FHIT: variants seen among roughly 807,000 people sequenced by gnomAD.
FHIT encodes fragile histidine triad diadenosine triphosphatase.
FHIT carries 19 observed loss-of-function variants against 17.9 expected under a neutral mutation model. The observed-to-expected ratio is 1.06, with a 90% confidence interval of 0.74 to 1.56. FHIT has a LOEUF of 1.56. Ranked by LOEUF, FHIT falls within the 40% of genes most tolerant of loss-of-function variation. FHIT has a pLI of 0.00. For missense variants in FHIT, 248 were observed against 189.2 expected (o/e 1.31, Z -1.82); for synonymous variants, 81 against 69.7 (o/e 1.16, Z -0.81).
Position 60,191,311 on chromosome 3 carries a change from A to C in FHIT, c.104-177159T>G, listed in dbSNP as rs552631676. Among the ~76,000 whole-genome samples, 18 of 152,324 alleles carry C rather than the reference A, an allele frequency of 1.2e-4. No homozygotes were observed. The South Asian group carries it at 3.5e-3, about 30-fold the overall frequency. ...AGCTATAGAAAAAGGGATACATTTG[A>C]AATAAAAATAGCAGTATTTTCTGCT... On this transcript the variant is annotated intron_variant, in intron 5 of 9. Transcript: ENST00000492590.
intron 5 of FHIT, among the ~76,000 whole-genome samples, chr3:60,305,926 G>A (rs1298547738): frequency 1.3e-5 from 2 of 152,074 alleles, no homozygotes; most frequent in African/African-American, 4.8e-5. Context: ...TAAATTTAAT[G>A]AGACTGCATC....
At chr3:59,780,125 G>C (rs1378554798) in intron 8 of FHIT, among the ~76,000 whole-genome samples, 1 of 152,138 alleles carries the variant, frequency 6.6e-6, no homozygotes, top group African/African-American at 2.4e-5. Flanking sequence ...ATTTTCTCAG[G>C]ATCCCTGACA....
chr3:60,468,108 C>G (rs1457949022), intron 5 of FHIT, among the ~76,000 whole-genome samples: 1 of 152,048 alleles, frequency 6.6e-6, no homozygotes, highest in African/African-American at 2.4e-5. Context: ...AGCATAGCTC[C>G]TCCTGCTCTT....
chr3:60,153,819 C>T (rs1700570130), intron 5 of FHIT, among the ~76,000 whole-genome samples: 1 of 152,088 alleles, frequency 6.6e-6, no homozygotes, highest in Non-Finnish European at 1.5e-5. Flanking sequence ...CCCTTCCAGC[C>T]CTGGCCAGGA....
At chr3:60,740,495 T>A (rs976533629) in intron 4 of FHIT, among the ~76,000 whole-genome samples, 1 of 152,250 alleles carries the variant, frequency 6.6e-6, no homozygotes, top group African/African-American at 2.4e-5. Context: ...ATTGTTATAT[T>A]GATATTGCTG....
intron 5 of FHIT, among the ~76,000 whole-genome samples, chr3:60,178,854 T>A (rs771124100): frequency 6.6e-6 from 1 of 152,080 alleles, no homozygotes; most frequent in African/African-American, 2.4e-5. Flanking sequence ...CCCTGAGAAG[T>A]TCTGCAGTAA....
chr3:61,154,588 ACCCC>A (rs2107065093), intron 2 of FHIT, among the ~76,000 whole-genome samples: 1 of 152,028 alleles, frequency 6.6e-6, no homozygotes, highest in South Asian at 2.1e-4. Context: ...GATTTATTCC[ACCCC>A]CTCTCCTGCT....
chr3:60,107,905 G>T (rs1053678961), intron 5 of FHIT, among the ~76,000 whole-genome samples: 1 of 152,150 alleles, frequency 6.6e-6, no homozygotes, highest in Non-Finnish European at 1.5e-5. Context: ...GTCTAAATTT[G>T]CTTCCTTGAG....
intron 8 of FHIT, among the ~76,000 whole-genome samples, chr3:59,899,659 C>A (rs1704234322): frequency 6.6e-6 from 1 of 151,702 alleles, no homozygotes; most frequent in Admixed American, 6.6e-5. Flanking sequence ...TATGGCGAAA[C>A]CCCGTCTGTA....
At chr3:60,934,953 G>A (rs1553772723) in intron 3 of FHIT, among the ~76,000 whole-genome samples, 2 of 152,094 alleles carry the variant, frequency 1.3e-5, no homozygotes, top group South Asian at 4.2e-4. Flanking sequence ...CATTTTCATG[G>A]AGAATGCTTT....
At chr3:60,061,539 CCT>C (rs1422658633) in intron 5 of FHIT, among the ~76,000 whole-genome samples, 1 of 152,074 alleles carries the variant, frequency 6.6e-6, no homozygotes, top group Admixed American at 6.6e-5. Flanking sequence ...ATTTCGATTC[CCT>C]GTTTTGTCAG....
chr3:59,915,791 G>A (rs140673977), intron 8 of FHIT, among the ~76,000 whole-genome samples: 7 of 152,232 alleles, frequency 4.6e-5, no homozygotes, highest in African/African-American at 1.7e-4. Context: ...CATTAGCCAG[G>A]TGTGGTGGTA....
At chr3:60,992,461 G>A (rs1310780758) in intron 3 of FHIT, among the ~76,000 whole-genome samples, 1 of 152,184 alleles carries the variant, frequency 6.6e-6, no homozygotes, top group Non-Finnish European at 1.5e-5. Context: ...AACAAATGGT[G>A]ACTGCTCTCT....
chr3:61,176,566 T>C (rs1324145006), intron 2 of FHIT, among the ~76,000 whole-genome samples: 1 of 152,230 alleles, frequency 6.6e-6, no homozygotes, highest in Admixed American at 6.5e-5. Flanking sequence ...ATAAAGCTTT[T>C]TTTATTCTCC....
intron 2 of FHIT, among the ~76,000 whole-genome samples, chr3:61,094,635 T>C (rs1002395383): frequency 2.0e-5 from 3 of 152,220 alleles, no homozygotes; most frequent in African/African-American, 7.2e-5. Context: ...TTGACAATGA[T>C]AGCTAATGAT....
intron 5 of FHIT, among the ~76,000 whole-genome samples, chr3:60,201,187 T>C (rs1046568868): frequency 2.6e-5 from 4 of 152,158 alleles, no homozygotes; most frequent in African/African-American, 7.2e-5. Flanking sequence ...ACAACACGTA[T>C]GTTCCACTGC....
chr3:60,902,284 T>A (rs184977405), intron 3 of FHIT, among the ~76,000 whole-genome samples: 161 of 152,332 alleles, frequency 1.1e-3, no homozygotes, highest in African/African-American at 3.7e-3. Flanking sequence ...GACTTCTTAG[T>A]GTAAAGCATT....
intron 4 of FHIT, among the ~76,000 whole-genome samples, chr3:60,700,543 A>AT (rs59119155): frequency 0.11 from 16,818 of 151,194 alleles, 2,016 homozygotes; most frequent in African/African-American, 0.3. Flanking sequence ...ATTTGTCTTG[A>AT]TTTTTTTTTG....
chr3:59,970,676 C>G (rs1332055305), intron 7 of FHIT, among the ~76,000 whole-genome samples: 1 of 151,986 alleles, frequency 6.6e-6, no homozygotes, highest in African/African-American at 2.4e-5. Context: ...GCAGCATATG[C>G]TTGATTTTCC....
Sources: gnomAD v4.1 joint callset for allele counts (sites outside exome capture counted in the v4.1 genomes callset) on GRCh38, gnomAD v4.1.1 for gene constraint, MANE v1.5 for transcripts, NCBI Gene and HGNC (gene_info 2026-07-23, HGNC 2026-07-21) for gene names.